The following KLHDC4 variants were observed in gnomAD, a reference collection of about 807,000 sequenced individuals.
KLHDC4 encodes the protein kelch domain-containing protein 4.
In KLHDC4, 90 loss-of-function variants were observed where a neutral mutation model predicts 62.4. The observed-to-expected ratio is 1.44, with a 90% confidence interval of 1.22 to 1.72. KLHDC4 has a LOEUF of 1.72. KLHDC4 is among the 40% of genes most tolerant of loss of function. The pLI is 0.00. For missense variants in KLHDC4, 1,025 were observed against 699.7 expected (o/e 1.47, Z -5.25); for synonymous variants, 386 against 284.4 (o/e 1.36, Z -3.59).
chr16:87,728,363 A>T (rs2039746374), intron 6 of KLHDC4, among the ~76,000 whole-genome samples: 1 of 152,224 alleles, frequency 6.6e-6, no homozygotes, highest in Non-Finnish European at 1.5e-5. Context: ...CACGTCGCAG[A>T]TTTTTAGTAC....
rs147728353 is a variant in KLHDC4, at chr16:87,726,798, G to A, written c.726C>T (p.Gly242=). 59 of 1,604,596 alleles carry A rather than the reference G, an allele frequency of 3.7e-5. No individual in the cohort carries two copies. Among genetic ancestry groups the A allele is most frequent in the Admixed American group, 1.4e-4 (8 of 58,614 alleles). ...AGTAGCCCCCATAGACGACGATGCC[G>A]CCCTGGGGAGTGACGGACATCTGGC... The part of the protein sequence containing the change: ...SGCQMSVTPQ[G]GIVVYGGYSK... Residue 242 remains glycine (G), a synonymous_variant, in exon 7 of 12, where the codon GGC becomes GGT. Transcript: ENST00000270583.
rs146256092 is a variant in KLHDC4 at position 87,711,271 on chromosome 16, G to T, written c.1008C>A (p.Asp336Glu). ...CCTCAAACCAACGGTTCCTGGTGGC[G>T]TCGTAGAAGTACAGATCGTTGAAGA... ...GEFFNDLYFYDATRNRWFEGQ... is the reference protein window; with the variant it reads ...GEFFNDLYFYEATRNRWFEGQ... Residue 336 changes from aspartate (D) to glutamate (E), a missense_variant, in exon 9 of 12, where the codon GAC (aspartate) becomes GAA (glutamate). By Grantham distance (45) the Asp-to-Glu change is conservative. Coordinates refer to ENST00000270583, the MANE Select transcript of KLHDC4 (RefSeq NM_017566.4). 2.6e-5 allele frequency: 42 copies of T among 1,614,028 alleles called. No homozygotes were observed. Among genetic ancestry groups the T allele is most frequent in the Non-Finnish European group, 3.1e-5 (36 of 1,180,046 alleles).
intron 5 of KLHDC4, 51 bp from the exon 6 acceptor site, chr16:87,730,695 G>T: frequency 1.3e-6 from 2 of 1,507,278 alleles, no homozygotes; most frequent in South Asian, 2.4e-5. Context: ...ATTTCTGGTT[G>T]TTCTAAAGAC....
downstream of KLHDC4, among the ~76,000 whole-genome samples, chr16:87,704,382 C>T (rs1321604483): frequency 7.7e-6 from 1 of 130,660 alleles, no homozygotes; most frequent in African/African-American, 3.1e-5. Flanking sequence ...GGGGAGGGTC[C>T]TGAACATGAC....
At chr16:87,710,775 G>C (rs1377886702) in intron 9 of KLHDC4, 1 of 156,232 alleles carries the variant, frequency 6.4e-6, no homozygotes, top group Middle Eastern at 3.1e-3. Flanking sequence ...TACACTCAGA[G>C]ACCCTGAGGC....
At chr16:87,716,455 C>A (rs185536530) in intron 7 of KLHDC4, among the ~76,000 whole-genome samples, 5 of 152,276 alleles carry the variant, frequency 3.3e-5, no homozygotes, top group African/African-American at 1.2e-4. Flanking sequence ...CCACTAGGAG[C>A]CTTTACAGCT....
intron 5 of KLHDC4, among the ~76,000 whole-genome samples, chr16:87,735,583 C>G (rs1045118896): frequency 4.6e-5 from 7 of 152,244 alleles, no homozygotes; most frequent in African/African-American, 1.7e-4. Context: ...AGCCAAATAT[C>G]ACCGTTTTCT....
intron 6 of KLHDC4, among the ~76,000 whole-genome samples, chr16:87,727,181 T>TTCACCAAG (rs111445045): frequency 4.0e-5 from 6 of 151,388 alleles, no homozygotes; most frequent in Non-Finnish European, 8.9e-5. Flanking sequence ...GGGCAACATT[T>TTCACCAAG]TCACCTGTTT....
Position 87,748,745 on chromosome 16 carries a change from T to C in KLHDC4, c.434A>G (p.Asn145Ser), listed in dbSNP as rs534145347. The change falls in exon 5 of 12, where the codon AAC becomes AGC. Residue 145 changes from asparagine to serine, a missense_variant. Transcript: ENST00000270583. ...CTTGTAGTGGTAGAACTGCTCTCCG[T>C]TGGGAGAGGCAAACTCCCCTCCAAA... ...WVFGGEFASP[N>S]GEQFYHYKDL... 65 of 1,613,326 alleles carry C rather than the reference T, an allele frequency of 4.0e-5. 2 individuals are homozygous for C. In the South Asian group the frequency reaches 5.6e-4, roughly 14 times the overall value.
At chr16:87,726,955 C>G (rs755040547) in intron 6 of KLHDC4, 31 bp from the exon 7 acceptor site, 137 of 1,609,148 alleles carry the variant, frequency 8.5e-5, no homozygotes, top group Non-Finnish European at 1.1e-4. Context: ...TGTCAGGGTC[C>G]GTAACATTGG....
At chr16:87,742,674 G>A (rs2042404002) in intron 5 of KLHDC4, among the ~76,000 whole-genome samples, 1 of 152,126 alleles carries the variant, frequency 6.6e-6, no homozygotes, top group South Asian at 2.1e-4. Context: ...TGTCCGGAGT[G>A]GGAGGGCAGG....
intron 4 of KLHDC4, among the ~76,000 whole-genome samples, chr16:87,749,962 A>C (rs2043664573): frequency 6.6e-6 from 1 of 152,220 alleles, no homozygotes; most frequent in Non-Finnish European, 1.5e-5. Flanking sequence ...CCTCTGGGCC[A>C]CACACGGCAA....
At chr16:87,719,918 C>G (rs1470224382) in intron 7 of KLHDC4, among the ~76,000 whole-genome samples, 1 of 152,222 alleles carries the variant, frequency 6.6e-6, no homozygotes, top group Non-Finnish European at 1.5e-5. Flanking sequence ...ATCGGCCGCA[C>G]ACGCCAAGTC....
intron 10 of KLHDC4, 140 bp downstream of exon 10, chr16:87,709,125 A>T (rs2035254550): frequency 9.2e-7 from 1 of 1,090,420 alleles, no homozygotes; most frequent in East Asian, 2.4e-5. Context: ...CGTCAATCTG[A>T]CCGTGGAGGC....
intron 5 of KLHDC4, among the ~76,000 whole-genome samples, chr16:87,744,536 T>A (rs1433326124): frequency 6.6e-6 from 1 of 151,440 alleles, no homozygotes; most frequent in African/African-American, 2.4e-5. Context: ...TGAACCAAGA[T>A]TGTGCTACTG....
At chr16:87,701,480 C>T (rs1310809883) in exon 1 of KLHDC4, 1 of 353,712 alleles carries the variant, frequency 2.8e-6, no homozygotes, top group African/African-American at 2.1e-5. Context: ...GCGTTCATGC[C>T]AGCTTGTTCC....
chr16:87,752,211 T>C (rs557087464), intron 4 of KLHDC4, among the ~76,000 whole-genome samples: 1 of 148,536 alleles, frequency 6.7e-6, no homozygotes, highest in Non-Finnish European at 1.5e-5. Context: ...GTTCAACACT[T>C]GCCTGGGCAA....
chr16:87,709,157 C>T (rs901466637), intron 10 of KLHDC4, 108 bp downstream of exon 10: 61 of 1,382,690 alleles, frequency 4.4e-5, no homozygotes, highest in African/African-American at 2.9e-4. Flanking sequence ...CGAGAAGTGT[C>T]GGCACAGGCC....
chr16:87,718,546 G>C (rs911329612), intron 7 of KLHDC4, among the ~76,000 whole-genome samples: 8 of 151,804 alleles, frequency 5.3e-5, no homozygotes, highest in African/African-American at 1.9e-4. Context: ...GTTTTTGCTG[G>C]AGTGCAGTGG....
Sources: gnomAD v4.1 joint callset for allele counts (sites outside exome capture counted in the v4.1 genomes callset) on GRCh38, gnomAD v4.1.1 for gene constraint, MANE v1.5 for transcripts, NCBI Gene and HGNC (gene_info 2026-07-23, HGNC 2026-07-21) for gene names.